PTPRD: variants seen among roughly 807,000 people sequenced by gnomAD.
PTPRD encodes receptor-type tyrosine-protein phosphatase delta.
Under a neutral mutation model 214.5 loss-of-function variants are expected in PTPRD, and 34 were observed. The ratio of observed to expected loss-of-function variants is 0.16; its 90% confidence interval spans 0.12 to 0.21. The LOEUF (loss-of-function observed/expected upper bound fraction) is 0.21, where lower values mean the gene tolerates loss of function less well. PTPRD is among the 10% of genes least tolerant of loss of function. PTPRD has a pLI of 1.00. For synonymous variants in PTPRD, 1,128 were observed against 845.7 expected (o/e 1.33, Z -5.79); for missense variants, 2,545 against 2,398.7 (o/e 1.06, Z -1.27).
At chr9:9,375,911 C>G (rs2060658335) in intron 9 of PTPRD, among the ~76,000 whole-genome samples, 1 of 152,100 alleles carries the variant, frequency 6.6e-6, no homozygotes, top group African/African-American at 2.4e-5. Context: ...CTGAATGGCA[C>G]ACTTAAAAAT....
intron 8 of PTPRD, among the ~76,000 whole-genome samples, chr9:9,412,309 C>G (rs1240041427): frequency 6.6e-6 from 1 of 151,824 alleles, no homozygotes; most frequent in African/African-American, 2.4e-5. Context: ...AATATGATAC[C>G]ACACTGCATC....
At chr9:8,332,732 C>G (rs1312433962) in intron 43 of PTPRD, among the ~76,000 whole-genome samples, 3 of 152,102 alleles carry the variant, frequency 2.0e-5, no homozygotes, top group Non-Finnish European at 2.9e-5. Flanking sequence ...TTTATAGAAG[C>G]AGAAATAATA....
chr9:8,718,133 G>A (rs994128085), intron 12 of PTPRD, among the ~76,000 whole-genome samples: 10 of 152,146 alleles, frequency 6.6e-5, no homozygotes, highest in African/African-American at 2.2e-4. Flanking sequence ...TTGTAAAGCT[G>A]GAAAATCAGA....
intron 2 of PTPRD, among the ~76,000 whole-genome samples, chr9:10,427,857 C>G (rs2098638156): frequency 6.6e-6 from 1 of 151,970 alleles, no homozygotes; most frequent in African/African-American, 2.4e-5. Context: ...TATTTTAAAC[C>G]CACTTAACTG....
chr9:9,305,104 T>A (rs1235471221), intron 9 of PTPRD, among the ~76,000 whole-genome samples: 1 of 151,376 alleles, frequency 6.6e-6, no homozygotes, highest in Non-Finnish European at 1.5e-5. Flanking sequence ...AAAATCAACT[T>A]GCTTCTCATC....
At chr9:9,825,394 G>A (rs1033398828) in intron 5 of PTPRD, among the ~76,000 whole-genome samples, 3 of 143,346 alleles carry the variant, frequency 2.1e-5, no homozygotes, top group African/African-American at 8.1e-5. Flanking sequence ...GAGAGAGAGA[G>A]ACAGAGAGAG....
intron 11 of PTPRD, among the ~76,000 whole-genome samples, chr9:8,913,621 G>A (rs1343902472): frequency 6.6e-6 from 1 of 151,826 alleles, no homozygotes; most frequent in Non-Finnish European, 1.5e-5. Context: ...CCTAAATTTA[G>A]GAATGCGTTT....
At chr9:9,647,646 C>T (rs1001248197) in intron 7 of PTPRD, among the ~76,000 whole-genome samples, 1 of 152,146 alleles carries the variant, frequency 6.6e-6, no homozygotes, top group Non-Finnish European at 1.5e-5. Context: ...TTCCCTTTGA[C>T]TCAGTGCCAA....
At chr9:10,093,448 T>A (rs1356256887) in intron 3 of PTPRD, among the ~76,000 whole-genome samples, 1 of 151,016 alleles carries the variant, frequency 6.6e-6, no homozygotes, top group Non-Finnish European at 1.5e-5. Flanking sequence ...CCAAAATTGA[T>A]AGATCCTGGC....
intron 36 of PTPRD, among the ~76,000 whole-genome samples, chr9:8,391,426 T>C (rs1424215832): frequency 6.6e-6 from 1 of 152,174 alleles, no homozygotes; most frequent in Non-Finnish European, 1.5e-5. Flanking sequence ...GTTGGGGTTT[T>C]GGCAGCTCTT....
chr9:8,890,177 A>T (rs1447172285), intron 11 of PTPRD, among the ~76,000 whole-genome samples: 1 of 152,238 alleles, frequency 6.6e-6, no homozygotes, highest in African/African-American at 2.4e-5. Context: ...ATATATAAAT[A>T]TCTAACTTGG....
intron 9 of PTPRD, among the ~76,000 whole-genome samples, chr9:9,231,877 T>A (rs2099963339): frequency 6.6e-6 from 1 of 152,158 alleles, no homozygotes; most frequent in Admixed American, 6.5e-5. Flanking sequence ...GTTAAATACT[T>A]CCTTTTTCTG....
chr9:9,485,006 G>A (rs907575239), intron 8 of PTPRD, among the ~76,000 whole-genome samples: 2 of 152,150 alleles, frequency 1.3e-5, no homozygotes, highest in Non-Finnish European at 2.9e-5. Flanking sequence ...GCATATGGAT[G>A]TGTAATGCTT....
chr9:10,280,433 T>C (rs192665010), intron 3 of PTPRD, among the ~76,000 whole-genome samples: 1,653 of 151,864 alleles, frequency 0.011, 33 homozygotes, highest in African/African-American at 0.034. Flanking sequence ...ATAGACCATC[T>C]CCACCAAATT....
intron 9 of PTPRD, among the ~76,000 whole-genome samples, chr9:9,234,770 A>T (rs2099965500): frequency 6.6e-6 from 1 of 152,106 alleles, no homozygotes; most frequent in Non-Finnish European, 1.5e-5. Context: ...TCCATCTGAG[A>T]CCACCTCAGC....
chr9:10,582,701 GAT>G (rs1485119324), intron 2 of PTPRD, among the ~76,000 whole-genome samples: 1 of 152,012 alleles, frequency 6.6e-6, no homozygotes, highest in East Asian at 1.9e-4. Context: ...CGTGTAAAAA[GAT>G]AAATGCAGAC....
At chr9:9,019,359 A>AGAAT (rs2099553843) in intron 10 of PTPRD, among the ~76,000 whole-genome samples, 1 of 149,528 alleles carries the variant, frequency 6.7e-6, no homozygotes, top group Non-Finnish European at 1.5e-5. Context: ...AAAGAAAGAA[A>AGAAT]GAATCTGAAT....
At chr9:10,117,543 C>A (rs888562620) in intron 3 of PTPRD, among the ~76,000 whole-genome samples, 2 of 151,812 alleles carry the variant, frequency 1.3e-5, no homozygotes, top group African/African-American at 4.8e-5. Flanking sequence ...TGGTTAGTTG[C>A]AGCAGTATTA....
chr9:9,050,001 G>A (rs2099681634), intron 10 of PTPRD, among the ~76,000 whole-genome samples: 1 of 152,162 alleles, frequency 6.6e-6, no homozygotes, highest in Non-Finnish European at 1.5e-5. Context: ...CAATGGGAAG[G>A]TAGTCACACT....
Sources: gnomAD v4.1 joint callset for allele counts (sites outside exome capture counted in the v4.1 genomes callset) on GRCh38, gnomAD v4.1.1 for gene constraint, MANE v1.5 for transcripts, NCBI Gene and HGNC (gene_info 2026-07-23, HGNC 2026-07-21) for gene names.